The following ABCG2 variants were observed in gnomAD, a reference collection of about 807,000 sequenced individuals.
The protein encoded by ABCG2 is broad substrate specificity ATP-binding cassette transporter ABCG2.
In ABCG2, 80 loss-of-function variants were observed where a neutral mutation model predicts 73.5. That is an observed-to-expected ratio of 1.09 (90% CI 0.91 to 1.31). The LOEUF (loss-of-function observed/expected upper bound fraction) is 1.31. Among genes scored for constraint, ABCG2 ranks in the 50% most tolerant of loss-of-function variants. The probability of loss-of-function intolerance (pLI) is 0.00; values close to 1 mark genes in which losing one functional copy is unlikely to be tolerated. For missense variants in ABCG2, 796 were observed against 786.2 expected (o/e 1.01, Z -0.15); for synonymous variants, 269 against 282.4 (o/e 0.95, Z 0.48).
chr4:88,153,064 C>A (rs556601041), intron 1 of ABCG2, among the ~76,000 whole-genome samples: 1 of 151,940 alleles, frequency 6.6e-6, no homozygotes, highest in Non-Finnish European at 1.5e-5. Flanking sequence ...TTGGGAGGAC[C>A]CAGGACATCC....
intron 1 of ABCG2, among the ~76,000 whole-genome samples, chr4:88,190,125 C>A (rs1728624934): frequency 6.6e-6 from 1 of 152,218 alleles, no homozygotes; most frequent in Non-Finnish European, 1.5e-5. Flanking sequence ...CCTTTAACTA[C>A]AAGAGTTGTT....
intron 1 of ABCG2, among the ~76,000 whole-genome samples, chr4:88,185,083 A>G (rs1284462230): frequency 6.6e-6 from 1 of 152,060 alleles, no homozygotes; most frequent in Non-Finnish European, 1.5e-5. Flanking sequence ...GACCTCATGG[A>G]TGGGCGAGGT....
intron 1 of ABCG2, among the ~76,000 whole-genome samples, chr4:88,183,115 AAG>A (rs1728324821): frequency 7.9e-6 from 1 of 127,030 alleles, no homozygotes; most frequent in Non-Finnish European, 1.7e-5. Flanking sequence ...AAAAAAAAAA[AAG>A]TGGAAAAACT....
chr4:88,189,530 T>A (rs1728598237), intron 1 of ABCG2, among the ~76,000 whole-genome samples: 1 of 150,380 alleles, frequency 6.6e-6, no homozygotes, highest in South Asian at 2.1e-4. Context: ...TATAAATAAA[T>A]AAATAAATAA....
intron 5 of ABCG2, among the ~76,000 whole-genome samples, chr4:88,127,769 GATTAAAGAC>G (rs1434476319): frequency 6.6e-6 from 1 of 151,720 alleles, no homozygotes; most frequent in African/African-American, 2.4e-5. Context: ...ACTCAAGATG[GATTAAAGAC>G]TTAAATGTAA....
At chr4:88,154,034 G>T (rs934797260) in intron 1 of ABCG2, among the ~76,000 whole-genome samples, 11 of 152,192 alleles carry the variant, frequency 7.2e-5, no homozygotes, top group African/African-American at 2.2e-4. Flanking sequence ...CTGTGAGGCT[G>T]GAAGGAGATA....
At chr4:88,178,494 TG>T (rs1210556254) in intron 1 of ABCG2, among the ~76,000 whole-genome samples, 1 of 152,102 alleles carries the variant, frequency 6.6e-6, no homozygotes, top group East Asian at 1.9e-4. Flanking sequence ...TTCCTAGCTG[TG>T]GTGGCTATGG....
intron 1 of ABCG2, among the ~76,000 whole-genome samples, chr4:88,219,825 G>C (rs1578288515): frequency 6.7e-6 from 1 of 150,322 alleles, no homozygotes; most frequent in African/African-American, 2.5e-5. Flanking sequence ...TCCTGACCTC[G>C]TGATCCACCC....
In ABCG2 at chr4:88,139,814, T is replaced by C. The variant is rs769486810; in HGVS notation, c.182A>G (p.Lys61Arg). 5 of 1,614,042 alleles carry C rather than the reference T, an allele frequency of 3.1e-6. No individual in the cohort carries two copies. Among genetic ancestry groups the C allele is most frequent in the South Asian group, 1.1e-5 (1 of 91,046 alleles). ...GFLPCRKPVE[K>R]EILSNINGIM... Reference sequence around the variant, plus strand: ...ATACTTGATATTCGATAATATTTCTTTCTCAACTGGTTTTCGACAAGGTAG... The same window carrying C: ...ATACTTGATATTCGATAATATTTCTCTCTCAACTGGTTTTCGACAAGGTAG... The change falls in exon 2 of 16, where the codon AAA (lysine) becomes AGA (arginine). Residue 61 changes from lysine to arginine, a missense_variant. By Grantham distance (26) the Lys-to-Arg change is conservative (BLOSUM62 2). Transcript: ENST00000237612.
chr4:88,101,146 T>C, intron 11 of ABCG2, 84 bp downstream of exon 11: 1 of 1,160,804 alleles, frequency 8.6e-7, no homozygotes, highest in Admixed American at 1.9e-5. Context: ...GATCCCATCC[T>C]TGGCCCCAAC....
chr4:88,208,917 C>A (rs1446280574), intron 1 of ABCG2, among the ~76,000 whole-genome samples: 1 of 152,026 alleles, frequency 6.6e-6, no homozygotes, highest in African/African-American at 2.4e-5. Context: ...TGGTCTTAAC[C>A]AATTAACCTG....
chr4:88,204,868 TTAGA>T (rs766906340), intron 1 of ABCG2, among the ~76,000 whole-genome samples: 1 of 152,208 alleles, frequency 6.6e-6, no homozygotes, highest in Non-Finnish European at 1.5e-5. Context: ...AATTTCATTA[TTAGA>T]GTAGGTGTAT....
chr4:88,178,409 G>T (rs1386894341), intron 1 of ABCG2, among the ~76,000 whole-genome samples: 1 of 152,120 alleles, frequency 6.6e-6, no homozygotes, highest in East Asian at 1.9e-4. Context: ...AATCAGTAGC[G>T]GTACCCAGGC....
chr4:88,159,953 CA>C (rs1013356745), upstream of ABCG2, among the ~76,000 whole-genome samples: 5 of 152,066 alleles, frequency 3.3e-5, no homozygotes, highest in African/African-American at 1.2e-4. Context: ...CATTTTAAGA[CA>C]AAATTAAGGC....
At chr4:88,167,696 C>T (rs965463326) in intron 1 of ABCG2, among the ~76,000 whole-genome samples, 2 of 151,972 alleles carry the variant, frequency 1.3e-5, no homozygotes, top group Non-Finnish European at 2.9e-5. Flanking sequence ...TTTTAAAGGG[C>T]TTATGTGATT....
intron 1 of ABCG2, among the ~76,000 whole-genome samples, chr4:88,148,462 A>G (rs1726202126): frequency 6.6e-6 from 1 of 152,156 alleles, no homozygotes; most frequent in Admixed American, 6.5e-5. Context: ...AAGACCATCA[A>G]AAGGGTGCAG....
intron 1 of ABCG2, among the ~76,000 whole-genome samples, chr4:88,182,998 T>C (rs551843259): frequency 7.1e-6 from 1 of 141,490 alleles, no homozygotes; most frequent in South Asian, 2.2e-4. Flanking sequence ...GGTAGGAGAA[T>C]CACTTGAACC....
chr4:88,187,497 C>G (rs1242930316), intron 1 of ABCG2, among the ~76,000 whole-genome samples: 3 of 151,982 alleles, frequency 2.0e-5, no homozygotes, highest in Non-Finnish European at 4.4e-5. Flanking sequence ...CCTCTAATCC[C>G]AGCTACTCGG....
At chr4:88,190,795 A>G (rs75075977) in intron 1 of ABCG2, among the ~76,000 whole-genome samples, 6,360 of 152,304 alleles carry the variant, frequency 0.042, 194 homozygotes, top group South Asian at 0.072. Context: ...ACATGTACAC[A>G]TTTTTAGTTC....
Sources: gnomAD v4.1 joint callset for allele counts (sites outside exome capture counted in the v4.1 genomes callset) on GRCh38, gnomAD v4.1.1 for gene constraint, MANE v1.5 for transcripts, NCBI Gene and HGNC (gene_info 2026-07-23, HGNC 2026-07-21) for gene names.